The following PLEKHA1 variants were observed in gnomAD, a reference collection of about 807,000 sequenced individuals.
PLEKHA1 encodes the protein pleckstrin homology domain containing A1.
Under a neutral mutation model 52.0 loss-of-function variants are expected in PLEKHA1, and 34 were observed. That is an observed-to-expected ratio of 0.65 (90% CI 0.50 to 0.87). The LOEUF is 0.87. PLEKHA1 is among the 40% of genes least tolerant of loss of function. The pLI, the probability that PLEKHA1 is intolerant of heterozygous loss-of-function variation, is 0.00. For missense variants in PLEKHA1, 497 were observed against 504.2 expected (o/e 0.99, Z 0.14); for synonymous variants, 163 against 170.7 (o/e 0.95, Z 0.35).
intron 4 of PLEKHA1, among the ~76,000 whole-genome samples, chr10:122,400,963 A>T (rs2096919410): frequency 6.6e-6 from 1 of 152,248 alleles, no homozygotes; most frequent in Non-Finnish European, 1.5e-5. Context: ...ATAAAGGGAT[A>T]TGCAGTCTAT....
At chr10:122,404,643 T>C (rs939523045) in intron 4 of PLEKHA1, among the ~76,000 whole-genome samples, 5 of 152,246 alleles carry the variant, frequency 3.3e-5, no homozygotes, top group South Asian at 2.1e-4. Flanking sequence ...TAGTGAATTA[T>C]GGATTTATCT....
At chr10:122,383,648 A>G (rs2096648099) in intron 1 of PLEKHA1, among the ~76,000 whole-genome samples, 1 of 152,078 alleles carries the variant, frequency 6.6e-6, no homozygotes, top group Non-Finnish European at 1.5e-5. Context: ...TATATCAGTA[A>G]ATATCTCTAA....
Position 122,393,331 on chromosome 10 carries a change from A to G in PLEKHA1, c.131A>G (p.Asp44Gly). 1 of 1,605,670 alleles carries G rather than the reference A, an allele frequency of 6.2e-7. No homozygotes were observed. The highest frequency in any genetic ancestry group is 2.2e-5 in the East Asian group (1 of 44,720). The change falls in exon 2 of 12, where the codon GAT becomes GGT. Residue 44 changes from aspartate (D) to glycine (G), a missense_variant. Physicochemically the swap from Asp to Gly is moderately conservative, Grantham distance 94. Transcript: ENST00000368990. The surrounding 1 kb of genome is among the most constrained non-coding windows in gnomAD (Gnocchi z 4.5). The part of the protein sequence containing the change: ...TREDSFVWYM[D>G]NPQNLPSGSS... The stretch of plus-strand genomic sequence containing the variant: ...GAAGATAGTTTCGTGTGGTACATGG[A>G]TAATCCACAGGTTTGTAAAATCCCA...
chr10:122,405,162 A>G (rs1590629242), intron 4 of PLEKHA1, among the ~76,000 whole-genome samples: 1 of 152,224 alleles, frequency 6.6e-6, no homozygotes, highest in Admixed American at 6.5e-5. Flanking sequence ...AAAGGGGAAT[A>G]TAGAAACTAA....
downstream of PLEKHA1, chr10:122,433,540 T>C (rs959624240): frequency 1.4e-5 from 2 of 145,440 alleles, no homozygotes; most frequent in Admixed American, 1.4e-4. Context: ...TTTTTTTTTT[T>C]CTCAGTCTTT....
In PLEKHA1 at chr10:122,393,403, A is replaced by G. The variant is rs1160842597; in HGVS notation, c.141+62A>G. ...AGAAAGTTGTATTTAAGTATTTAAC[A>G]TACTATACAGGCTTTAGATTTGTCT... On this transcript the variant is annotated intron_variant, in intron 2 of 11. Transcript: ENST00000368990. The surrounding 1 kb of genome is among the most constrained non-coding windows in gnomAD (Gnocchi z 4.5). The G allele has an allele frequency of 4.2e-6, 6 of 1,433,964 alleles. No homozygotes were observed. Among genetic ancestry groups the G allele is most frequent in the South Asian group, 2.9e-5 (2 of 68,640 alleles). The allele number at this position is 1,433,964 out of a possible 1,614,324, so 88.8% of individuals were successfully genotyped here.
At chr10:122,387,531 A>G (rs1417947790) in intron 1 of PLEKHA1, 1 of 152,168 alleles carries the variant, frequency 6.6e-6, no homozygotes, top group African/African-American at 2.4e-5. Flanking sequence ...TGTATATTGT[A>G]TTTATATGGT....
At chr10:122,428,571 A>G (rs965066031) in intron 11 of PLEKHA1, among the ~76,000 whole-genome samples, 1 of 152,250 alleles carries the variant, frequency 6.6e-6, no homozygotes, top group African/African-American at 2.4e-5. Flanking sequence ...AGACATTAAC[A>G]TATAAAAATT....
intron 7 of PLEKHA1, among the ~76,000 whole-genome samples, chr10:122,417,417 G>C (rs1052881860): frequency 6.6e-6 from 1 of 152,040 alleles, no homozygotes; most frequent in South Asian, 2.1e-4. Flanking sequence ...GGGAGGCCAA[G>C]GTGGGCGGAT....
intron 4 of PLEKHA1, among the ~76,000 whole-genome samples, chr10:122,405,369 T>A (rs1223310539): frequency 6.6e-6 from 1 of 151,948 alleles, no homozygotes; most frequent in Non-Finnish European, 1.5e-5. Context: ...GTATTGGTAA[T>A]AAAGCAGAAA....
At chr10:122,428,444 T>A in intron 11 of PLEKHA1, 1 of 1,418,312 alleles carries the variant, frequency 7.1e-7, no homozygotes. Context: ...AACTGCCTTT[T>A]GCAGTTATCA....
At chr10:122,417,177 T>C (rs566235451) in intron 7 of PLEKHA1, 1 of 152,368 alleles carries the variant, frequency 6.6e-6, no homozygotes, top group Non-Finnish European at 1.5e-5. Flanking sequence ...ATTAAATATT[T>C]AGTGCTTTAC....
chr10:122,428,406 A>AACTGATCAT, intron 11 of PLEKHA1: 5 of 1,485,516 alleles, frequency 3.4e-6, no homozygotes, highest in Non-Finnish European at 2.7e-6. Context: ...TACTACTTAC[A>AACTGATCAT]ACTGATCATA....
chr10:122,412,487 A>G (rs1202161691), intron 5 of PLEKHA1: 1 of 154,558 alleles, frequency 6.5e-6, no homozygotes, highest in African/African-American at 2.4e-5. Context: ...AAGAGCTGTA[A>G]GCCAATAGTA....
chr10:122,391,895 G>A (rs1401017988), intron 1 of PLEKHA1, among the ~76,000 whole-genome samples: 5 of 152,098 alleles, frequency 3.3e-5, no homozygotes, highest in Non-Finnish European at 7.4e-5. Context: ...ACTGCATATG[G>A]AATAGTGATG....
At chr10:122,417,729 T>C (rs552789952) in intron 7 of PLEKHA1, among the ~76,000 whole-genome samples, 171 bp from the exon 8 acceptor site, 1 of 151,550 alleles carries the variant, frequency 6.6e-6, no homozygotes, top group South Asian at 2.1e-4. Context: ...ATTCAAAGCC[T>C]GGGTAGCTAG....
At position 122,397,914 on chromosome 10, in the gene PLEKHA1, C is replaced by G; in HGVS notation, c.142-4C>G. ...TTAAGTATATATTAATACTTTGTTT[C>G]TAGAACCTACCTTCTGGATCATCAC... is the stretch of plus-strand genomic sequence containing the variant. On this transcript the variant is annotated splice_polypyrimidine_tract_variant and splice_region_variant and intron_variant, in intron 2 of 11. Coordinates refer to ENST00000368990, the MANE Select transcript of PLEKHA1 (RefSeq NM_001001974.4). 6.3e-7 allele frequency: 1 copy of G among 1,597,852 alleles called. No individual in the cohort carries two copies. Among genetic ancestry groups the G allele is most frequent in the Non-Finnish European group, 8.6e-7 (1 of 1,167,050 alleles).
the PLEKHA1 span, chr10:122,439,722 CAA>C: frequency 3.3e-5 from 5 of 151,906 alleles, no homozygotes; most frequent in African/African-American, 9.7e-5. Context: ...GCCTGGGTGA[CAA>C]GAGTGAAACT....
Position 122,432,111 on chromosome 10 carries a change from A to G in PLEKHA1, c.*2173A>G, listed in dbSNP as rs1057064575. ...TCTCAATTCTTTTATAAGTCTATGG[A>G]AATTATTTAATTATTTTAAAACGTA... On this transcript the variant is annotated 3_prime_UTR_variant, in exon 12 of 12. Coordinates refer to ENST00000368990, the MANE Select transcript of PLEKHA1 (RefSeq NM_001001974.4). 1 of 152,184 alleles carries G rather than the reference A, an allele frequency of 6.6e-6. No individual in the cohort carries two copies. The highest frequency in any genetic ancestry group is 1.5e-5 in the Non-Finnish European group (1 of 68,032). 9.4% of individuals were successfully genotyped at this position (152,184 alleles called of 1,614,324 possible). A position where few individuals can be genotyped will look rare whatever the true frequency, so the allele number is the denominator to read the frequency against.
Sources: gnomAD v4.1 joint callset for allele counts (sites outside exome capture counted in the v4.1 genomes callset) on GRCh38, gnomAD v4.1.1 for gene constraint, Gnocchi (gnomAD v3.1) non-coding constraint, MANE v1.5 for transcripts, NCBI Gene and HGNC (gene_info 2026-07-23, HGNC 2026-07-21) for gene names.